The following P3H1 variants were observed in gnomAD, a reference collection of about 807,000 sequenced individuals.
The protein encoded by P3H1 is growth suppressor 1.
Under a neutral mutation model 84.0 loss-of-function variants are expected in P3H1, and 69 were observed. The observed-to-expected ratio is 0.82, with a 90% CI of 0.68 to 1.00. The LOEUF (loss-of-function observed/expected upper bound fraction) is 1.00. Among genes scored for constraint, P3H1 ranks in the 50% least tolerant of loss-of-function variants. The pLI, the probability that P3H1 is intolerant of heterozygous loss-of-function variation, is 0.00. For synonymous variants in P3H1, 366 were observed against 388.8 expected (o/e 0.94, Z 0.69); for missense variants, 878 against 962.8 (o/e 0.91, Z 1.17).
At chr1:42,751,612 A>T (rs1652095170) in intron 10 of P3H1, 1 of 151,650 alleles carries the variant, frequency 6.6e-6, no homozygotes, top group Non-Finnish European at 1.5e-5. Flanking sequence ...AAATAATAAA[A>T]AATAAAAAAT....
chr1:42,763,523 T>C (rs952461203), intron 1 of P3H1, among the ~76,000 whole-genome samples: 2 of 151,210 alleles, frequency 1.3e-5, no homozygotes, highest in African/African-American at 4.9e-5. Context: ...AATACAAAAA[T>C]TAGCTGGGCG....
intron 9 of P3H1, 24 bp from the exon 10 acceptor site, chr1:42,752,393 G>T (rs963503039): frequency 6.2e-7 from 1 of 1,612,600 alleles, no homozygotes; most frequent in Non-Finnish European, 8.5e-7. Context: ...AACACAAGGT[G>T]ATGTTAGCCA....
intron 1 of P3H1, among the ~76,000 whole-genome samples, chr1:42,765,971 C>A (rs1652964252): frequency 1.3e-5 from 2 of 150,780 alleles, no homozygotes; most frequent in Admixed American, 6.6e-5. Flanking sequence ...GAAAAATACT[C>A]ATTTTCTTTG....
rs1251605135 is a variant in P3H1, at chr1:42,746,510, G to A, written c.*187C>T. On this transcript the variant is annotated 3_prime_UTR_variant, in exon 15 of 15. Coordinates refer to ENST00000296388, the MANE Select transcript of P3H1 (RefSeq NM_022356.4). ...CCTGAGCCCTCAGCCAGATCCAGGG[G>A]GTGCGGTGTCTGGTCATGTCCACTC... 1.6e-6 allele frequency: 1 copy of A among 617,836 alleles called. No individual in the cohort carries two copies. Among genetic ancestry groups the A allele is most frequent in the African/African-American group, 1.8e-5 (1 of 54,342 alleles). The allele number at this position is 617,836 out of a possible 1,614,324, so 38.3% of individuals were successfully genotyped here. A position where few individuals can be genotyped will look rare whatever the true frequency, so the allele number is the denominator to read the frequency against.
Position 42,755,467 on chromosome 1 carries a change from G to A in P3H1, c.1170+81C>T, listed in dbSNP as rs970793926. ...CTCCAGCAAGTTTTCTCTCAGAATC[G>A]CACAGTGTTCCCCTCCTCCCCATTC... On this transcript the variant is annotated intron_variant, in intron 6 of 14. Transcript: ENST00000296388. The A allele has an allele frequency of 7.1e-6, 9 of 1,260,030 alleles. No individual in the cohort carries two copies. The East Asian group carries it at 1.4e-4, about 19-fold the overall frequency. The allele number at this position is 1,260,030 out of a possible 1,614,324, so 78.1% of individuals were successfully genotyped here.
In P3H1 at chr1:42,754,784, G is replaced by A; in HGVS notation, c.1345+85C>T. 2 of 1,579,124 alleles carry A rather than the reference G, an allele frequency of 1.3e-6. No homozygotes were observed. Among genetic ancestry groups the A allele is most frequent in the Non-Finnish European group, 1.7e-6 (2 of 1,150,474 alleles). On this transcript the variant is annotated intron_variant, in intron 8 of 14. Coordinates refer to ENST00000296388, the MANE Select transcript of P3H1 (RefSeq NM_022356.4). This position sits in a 1 kb window ranked among gnomAD's most constrained non-coding sequence, Gnocchi z 4.0. ...GCTCATGGTGAGCTCTGCAATGCTG[G>A]GGTGGAGCGCTGCCTGGCAAATGTG...
intron 2 of P3H1, 67 bp from the exon 3 acceptor site, chr1:42,759,457 C>T: frequency 1.4e-6 from 2 of 1,419,910 alleles, no homozygotes; most frequent in Non-Finnish European, 2.0e-6. Context: ...TGCCCTCAGC[C>T]ACCTTCACAG....
In P3H1 at chr1:42,766,640, C is replaced by A. The variant is rs763732280; in HGVS notation, c.332G>T (p.Gly111Val). The A allele has an allele frequency of 3.2e-6, 5 of 1,586,114 alleles. No individual in the cohort carries two copies. The Admixed American group carries it at 8.9e-5, about 28-fold the overall frequency. The change falls in exon 1 of 15, where the codon GGG becomes GTG. Residue 111 changes from glycine to valine, a missense_variant. By Grantham distance (109) the Gly-to-Val change is moderately radical. Transcript: ENST00000296388. ...GCAGGCAGCGCGACGCAGAAGGCCC[C>A]CGAAGAAGCTCAGGTCGCGCAGGGC... ...AAALRDLSFF[G>V]GLLRRAACLR... is the part of the protein sequence containing the mutation.
rs1653045634 is a variant in P3H1 at position 42,766,913 on chromosome 1, G to A, written c.59C>T (p.Ser20Phe). The A allele has an allele frequency of 1.2e-6, 2 of 1,609,330 alleles. No homozygotes were observed. Among genetic ancestry groups the A allele is most frequent in the Non-Finnish European group, 1.7e-6 (2 of 1,179,832 alleles). ...TTLLAVVAAA[S>F]QAEVESEAGW... is the part of the protein sequence containing the mutation. ...TGCCTCGGACTCGACCTCGGCTTGG[G>A]AGGCAGCGGCCACGACAGCCAGCAG... Residue 20 changes from serine (S) to phenylalanine (F), a missense_variant, in exon 1 of 15, where the codon TCC becomes TTC. Transcript: ENST00000296388.
Position 42,748,310 on chromosome 1 carries a change from C to T in P3H1, c.1728G>A (p.Gln576=). ...GATGACTATCATCCTTCCTCTCTGC[C>T]TGGACCTCTGGGGCCAATGTCACAC... ...LVCRTAIEEV[Q]AERKDDSHPV... Residue 576 remains glutamine, a synonymous_variant, in exon 12 of 15, where the codon CAG becomes CAA. Transcript: ENST00000296388. The T allele has an allele frequency of 6.2e-7, 1 of 1,612,682 alleles. No individual in the cohort carries two copies. Among genetic ancestry groups the T allele is most frequent in the Non-Finnish European group, 8.5e-7 (1 of 1,178,898 alleles).
chr1:42,760,526 T>C (rs1652652827), intron 2 of P3H1: 1 of 152,042 alleles, frequency 6.6e-6, no homozygotes, highest in Admixed American at 6.6e-5. Flanking sequence ...TTTGTATTTT[T>C]AGTAGAGACA....
chr1:42,746,822 T>C lies in P3H1; in HGVS notation c.2086A>G (p.Met696Val). 6.2e-7 allele frequency: 1 copy of C among 1,610,544 alleles called. No individual in the cohort carries two copies. The change falls in exon 15 of 15, where the codon ATG becomes GTG. Residue 696 changes from methionine to valine, a missense_variant. Met to Val is a conservative substitution (Grantham distance 21). Coordinates refer to ENST00000296388, the MANE Select transcript of P3H1 (RefSeq NM_022356.4). ...DRVQADDLVK[M>V]LFSPEEMDLS... The stretch of plus-strand genomic sequence containing the variant: ...TCCATCTCTTCTGGGCTGAAGAGCA[T>C]CTTCACCAGGTCATCTGCCTGCACC...
At position 42,752,580 on chromosome 1, in the gene P3H1, A is replaced by G. The variant is rs778682927; in HGVS notation, c.1430T>C (p.Val477Ala). 2.5e-6 allele frequency: 4 copies of G among 1,614,172 alleles called. No individual in the cohort carries two copies. The highest frequency in any genetic ancestry group is 1.3e-5 in the African/African-American group (1 of 75,042). The change falls in exon 9 of 15, where the codon GTA becomes GCA. Residue 477 changes from valine (V) to alanine (A), a missense_variant. By Grantham distance (64) the Val-to-Ala change is moderately conservative. Coordinates refer to ENST00000296388, the MANE Select transcript of P3H1 (RefSeq NM_022356.4). The part of the protein sequence containing the change: ...NGSQRVVMDG[V>A]ISDHECQELQ... ...CTCCTGACACTCGTGGTCAGAGATTACGCCGTCCATCACCACCCGCTGGGA... is the reference window on the plus strand; with the variant it reads ...CTCCTGACACTCGTGGTCAGAGATTGCGCCGTCCATCACCACCCGCTGGGA...
chr1:42,748,351 CACCTCGGG>C (rs770578094), intron 11 of P3H1, 34 bp from the exon 12 acceptor site: 25 of 1,500,390 alleles, frequency 1.7e-5, no homozygotes, highest in Middle Eastern at 3.4e-4. Flanking sequence ...AGCAAGGGAG[CACCTCGGG>C]AGACGGCATA....
At chr1:42,759,769 A>T (rs1652605137) in intron 2 of P3H1, among the ~76,000 whole-genome samples, 1 of 151,610 alleles carries the variant, frequency 6.6e-6, no homozygotes, top group Non-Finnish European at 1.5e-5. Flanking sequence ...TTTAGTAAAG[A>T]CGGGGTTTCA....
Position 42,752,629 on chromosome 1 carries a change from T to C in P3H1, c.1381A>G (p.Met461Val). ...PLLYEGISLT[M>V]NSKLLNGSQR... ...GAACCATTCAGGAGTTTGGAGTTCATGGTGAGACTGATGCCTTCATACAGC... is the reference window on the plus strand; with the variant it reads ...GAACCATTCAGGAGTTTGGAGTTCACGGTGAGACTGATGCCTTCATACAGC... Residue 461 changes from methionine to valine, a missense_variant, in exon 9 of 15, where the codon ATG (methionine) becomes GTG (valine). Coordinates refer to ENST00000296388, the MANE Select transcript of P3H1 (RefSeq NM_022356.4). The C allele has an allele frequency of 6.2e-7, 1 of 1,614,174 alleles. No individual in the cohort carries two copies.
rs577594449 is a variant in P3H1 at position 42,766,756 on chromosome 1, G to T, written c.216C>A (p.Arg72=). The T allele has an allele frequency of 6.3e-7, 1 of 1,588,232 alleles. No individual in the cohort carries two copies. Among genetic ancestry groups the T allele is most frequent in the African/African-American group, 1.3e-5 (1 of 74,476 alleles). The change falls in exon 1 of 15, where the codon CGC becomes CGA. Residue 72 remains arginine, a synonymous_variant. Transcript: ENST00000296388. ...LRSRAALRAL[R]LRCRTQCAAD... is the part of the protein sequence containing the mutation. ...CGGCACACTGGGTGCGGCAGCGCAG[G>T]CGAAGGGCGCGGAGGGCTGCCCGGG...
chr1:42,756,167 C>T (rs1229031691), intron 5 of P3H1, among the ~76,000 whole-genome samples: 13 of 152,120 alleles, frequency 8.5e-5, no homozygotes, highest in Non-Finnish European at 1.3e-4. Flanking sequence ...GGGAGAGCAG[C>T]GACCTACAGT....
intron 8 of P3H1, among the ~76,000 whole-genome samples, chr1:42,753,705 A>G (rs1652233558): frequency 6.6e-6 from 1 of 152,068 alleles, no homozygotes; most frequent in Non-Finnish European, 1.5e-5. Flanking sequence ...GGTGGATCAC[A>G]AGGTCAGGAG....
Sources: allele counts gnomAD v4.1 joint callset (sites outside exome capture counted in the v4.1 genomes callset), GRCh38; gene constraint gnomAD v4.1.1; non-coding constraint Gnocchi (gnomAD v3.1); transcripts MANE v1.5; gene names NCBI Gene and HGNC (gene_info 2026-07-23, HGNC 2026-07-21).